The following RAD51B variants were observed in gnomAD, a reference collection of about 807,000 sequenced individuals.
The protein encoded by RAD51B is RAD51 paralog B, also known as DNA repair protein RAD51 homolog 2.
Under a neutral mutation model 42.2 loss-of-function variants are expected in RAD51B, and 38 were observed. The observed-to-expected ratio is 0.90, with a 90% CI of 0.70 to 1.18. The LOEUF (loss-of-function observed/expected upper bound fraction) is 1.18. Among genes scored for constraint, RAD51B ranks in the 50% most tolerant of loss-of-function variants. RAD51B has a pLI of 0.00. For missense variants in RAD51B, 373 were observed against 400.7 expected (o/e 0.93, Z 0.59); for synonymous variants, 154 against 145.2 (o/e 1.06, Z -0.43).
At chr14:68,219,852 G>A (rs1392817802) in intron 7 of RAD51B, among the ~76,000 whole-genome samples, 1 of 152,148 alleles carries the variant, frequency 6.6e-6, no homozygotes, top group Non-Finnish European at 1.5e-5. Flanking sequence ...TGAATTGCCA[G>A]AATAATAACT....
Position 67,853,943 on chromosome 14 carries a change from A to G in RAD51B, c.316-11060A>G, listed in dbSNP as rs1387007622. On this transcript the variant is annotated intron_variant, in intron 4 of 10. Transcript: ENST00000471583. ...AGCAGAGGAGAAATCAGAGACACCA[A>G]CTCTGCGGACCTGCTGAAGGAAGTG... 2.0e-5 allele frequency among the ~76,000 whole-genome samples: 3 copies of G among 152,168 alleles called. No individual in the cohort carries two copies. In the East Asian group the frequency reaches 5.8e-4, roughly 29 times the overall value.
chr14:68,615,471 G>A (rs1309110475), downstream of RAD51B, among the ~76,000 whole-genome samples: 13 of 151,656 alleles, frequency 8.6e-5, no homozygotes, highest in Non-Finnish European at 1.2e-4. Context: ...TCAGCCTCCC[G>A]AGTAGCTGGG....
chr14:68,585,634 G>C (rs563540389), intron 10 of RAD51B, among the ~76,000 whole-genome samples: 1 of 152,318 alleles, frequency 6.6e-6, no homozygotes, highest in East Asian at 1.9e-4. Context: ...AATTCCCCAA[G>C]TCAAAATCAG....
chr14:68,253,486 T>G (rs1354649743), intron 7 of RAD51B, among the ~76,000 whole-genome samples: 28 of 152,360 alleles, frequency 1.8e-4, no homozygotes, highest in Non-Finnish European at 5.9e-5. Context: ...TCATATTTGT[T>G]TCAGTTATTT....
chr14:67,841,018 T>C (rs531089209), intron 4 of RAD51B, among the ~76,000 whole-genome samples: 1 of 152,160 alleles, frequency 6.6e-6, no homozygotes, highest in African/African-American at 2.4e-5. Context: ...CAGGCTGGTC[T>C]CAAACTCCTG....
chr14:68,512,690 T>C (rs1885816589), intron 10 of RAD51B, among the ~76,000 whole-genome samples: 1 of 152,044 alleles, frequency 6.6e-6, no homozygotes, highest in African/African-American at 2.4e-5. Flanking sequence ...AAACTGGAGA[T>C]ACAGGGTTAA....
chr14:68,591,564 G>T (rs11623751), intron 10 of RAD51B, among the ~76,000 whole-genome samples: 43,981 of 152,072 alleles, frequency 0.29, 6,732 homozygotes, highest in East Asian at 0.52. Flanking sequence ...GGAGCCTGAT[G>T]GGTCTGATGC....
intron 7 of RAD51B, among the ~76,000 whole-genome samples, chr14:68,077,731 G>T (rs185373986): frequency 6.6e-6 from 1 of 152,286 alleles, no homozygotes; most frequent in East Asian, 1.9e-4. Flanking sequence ...CAAGGTGGGC[G>T]GATCACCTGA....
chr14:67,870,457 A>T, intron 5 of RAD51B, among the ~76,000 whole-genome samples: 1 of 143,704 alleles, frequency 7.0e-6, no homozygotes. Context: ...TGACCTACAA[A>T]GAGACTTAGA....
At chr14:68,673,573 TAC>T (rs1037579721) in intron 11 of RAD51B, among the ~76,000 whole-genome samples, 6 of 149,740 alleles carry the variant, frequency 4.0e-5, no homozygotes, top group Admixed American at 6.6e-5. Flanking sequence ...TGCACACACA[TAC>T]ACATACTGTA....
intron 7 of RAD51B, among the ~76,000 whole-genome samples, chr14:67,900,046 C>T (rs1307413369): frequency 6.6e-6 from 1 of 152,110 alleles, no homozygotes; most frequent in East Asian, 1.9e-4. Context: ...TCCTCTAAGC[C>T]TTTTTCAATG....
At chr14:68,102,988 A>T (rs1299874702) in intron 7 of RAD51B, among the ~76,000 whole-genome samples, 1 of 152,168 alleles carries the variant, frequency 6.6e-6, no homozygotes, top group Non-Finnish European at 1.5e-5. Context: ...AATGAACAAA[A>T]TGAGGAAAAA....
rs1161333817 is a variant in RAD51B, at chr14:68,028,889, G to T, written c.756+141685G>T. Among the ~76,000 whole-genome samples the T allele has an allele frequency of 3.3e-5, 5 of 152,326 alleles. No individual in the cohort carries two copies. In the East Asian group the frequency reaches 9.7e-4, roughly 29 times the overall value. ...GGGTGTCTATGGCTGTGCTCTGCTG[G>T]CCTCTCCCACGCACAGAGGTCCTTG... On this transcript the variant is annotated intron_variant, in intron 7 of 10. Transcript: ENST00000471583.
intron 10 of RAD51B, among the ~76,000 whole-genome samples, chr14:68,637,072 C>T (rs948777887): frequency 2.0e-5 from 3 of 152,016 alleles, no homozygotes; most frequent in Non-Finnish European, 2.9e-5. Flanking sequence ...AAAGAGTGCC[C>T]GTCACTCTTA....
chr14:67,975,021 C>T (rs998774879), intron 7 of RAD51B, among the ~76,000 whole-genome samples: 1 of 152,144 alleles, frequency 6.6e-6, no homozygotes, highest in Admixed American at 6.5e-5. Context: ...ATCTGCTTTG[C>T]TGGCTTCACA....
intron 8 of RAD51B, among the ~76,000 whole-genome samples, chr14:68,379,663 G>C (rs1191658177): frequency 3.9e-5 from 6 of 152,240 alleles, no homozygotes; most frequent in Admixed American, 3.9e-4. Context: ...TTGGTGGGAA[G>C]ACAATTTCTG....
intron 11 of RAD51B, among the ~76,000 whole-genome samples, chr14:68,669,395 G>A (rs1055929431): frequency 6.6e-6 from 1 of 152,184 alleles, no homozygotes; most frequent in Admixed American, 6.5e-5. Context: ...AGAGAGGCCT[G>A]AGGCTGCAGA....
chr14:68,549,087 G>C (rs189999090), intron 10 of RAD51B, among the ~76,000 whole-genome samples: 3 of 152,142 alleles, frequency 2.0e-5, no homozygotes, highest in African/African-American at 7.2e-5. Flanking sequence ...GGGAGCTGAG[G>C]GTTTTGAGCC....
At chr14:68,091,998 C>G (rs2077107895) in intron 7 of RAD51B, among the ~76,000 whole-genome samples, 1 of 152,174 alleles carries the variant, frequency 6.6e-6, no homozygotes, top group African/African-American at 2.4e-5. Context: ...TGTCAAAGAT[C>G]AGATAGTTGT....
Sources: allele counts gnomAD v4.1 joint callset (sites outside exome capture counted in the v4.1 genomes callset), GRCh38; gene constraint gnomAD v4.1.1; transcripts MANE v1.5; gene names NCBI Gene and HGNC (gene_info 2026-07-23, HGNC 2026-07-21).